The following SH3RF3 variants were observed in gnomAD, a reference collection of about 807,000 sequenced individuals.
SH3RF3 encodes E3 ubiquitin-protein ligase SH3RF3.
SH3RF3 carries 29 observed loss-of-function variants against 66.3 expected under a neutral mutation model. The observed-to-expected ratio is 0.44, with a 90% CI of 0.33 to 0.60. The LOEUF (loss-of-function observed/expected upper bound fraction) is 0.60, where lower values mean the gene tolerates loss of function less well. Ranked by LOEUF, SH3RF3 falls within the 20% of genes least tolerant of loss-of-function variation. SH3RF3 has a pLI of 0.04. For synonymous variants in SH3RF3, 583 were observed against 532.0 expected, an observed-to-expected ratio of 1.10 and a Z score of -1.32; for missense variants, 1,194 against 1,190.9, an observed-to-expected ratio of 1.00 and a Z score of -0.04.
chr2:109,220,561 ACTT>A (rs1310540548), intron 1 of SH3RF3, among the ~76,000 whole-genome samples: 4 of 152,210 alleles, frequency 2.6e-5, no homozygotes, highest in African/African-American at 9.6e-5. Context: ...TATATAAAGA[ACTT>A]CTATAACTCA....
At chr2:109,277,262 C>T (rs1574545732) in intron 1 of SH3RF3, among the ~76,000 whole-genome samples, 1 of 152,174 alleles carries the variant, frequency 6.6e-6, no homozygotes, top group East Asian at 1.9e-4. Context: ...CCTCACTGTA[C>T]AGGAACCTGG....
At chr2:109,144,771 A>C (rs1206300826) in intron 1 of SH3RF3, among the ~76,000 whole-genome samples, 3 of 152,234 alleles carry the variant, frequency 2.0e-5, no homozygotes, top group Non-Finnish European at 4.4e-5. Flanking sequence ...TGTCTGCATC[A>C]GTCAGGCACC....
chr2:109,371,008 T>A (rs1683260454), intron 2 of SH3RF3, among the ~76,000 whole-genome samples: 1 of 152,242 alleles, frequency 6.6e-6, no homozygotes, highest in South Asian at 2.1e-4. Flanking sequence ...AAATAAATAA[T>A]AGGAGTTGCA....
intron 1 of SH3RF3, among the ~76,000 whole-genome samples, chr2:109,209,004 C>T (rs1016125522): frequency 3.3e-5 from 5 of 152,228 alleles, no homozygotes; most frequent in Non-Finnish European, 5.9e-5. Flanking sequence ...GACATCAACA[C>T]GGACATATGG....
At chr2:109,213,066 G>T (rs1234209131) in intron 1 of SH3RF3, among the ~76,000 whole-genome samples, 2 of 152,210 alleles carry the variant, frequency 1.3e-5, no homozygotes, top group African/African-American at 4.8e-5. Context: ...TCCTGGGAAG[G>T]CTCGGAGGAA....
At chr2:109,250,460 C>G (rs932405764) in intron 1 of SH3RF3, among the ~76,000 whole-genome samples, 3 of 151,762 alleles carry the variant, frequency 2.0e-5, no homozygotes, top group African/African-American at 7.3e-5. Context: ...ACTCGGAAAA[C>G]TTACCAGGTT....
At chr2:109,233,430 C>T (rs1318159894) in intron 1 of SH3RF3, among the ~76,000 whole-genome samples, 3 of 152,200 alleles carry the variant, frequency 2.0e-5, no homozygotes, top group South Asian at 4.1e-4. Flanking sequence ...TCAGACACTT[C>T]GTGTCTTCCC....
At chr2:109,267,400 C>T (rs1029052603) in intron 1 of SH3RF3, among the ~76,000 whole-genome samples, 1 of 152,124 alleles carries the variant, frequency 6.6e-6, no homozygotes. Flanking sequence ...TGAGCTTGCC[C>T]GAAGAAAGAA....
chr2:109,440,334 G>A (rs574586698), intron 7 of SH3RF3, among the ~76,000 whole-genome samples: 4 of 152,342 alleles, frequency 2.6e-5, no homozygotes, highest in East Asian at 1.9e-4. Flanking sequence ...GCCCATGGAC[G>A]CTGGAATACG....
At chr2:109,374,038 T>A (rs1683331034) in intron 3 of SH3RF3, among the ~76,000 whole-genome samples, 1 of 152,180 alleles carries the variant, frequency 6.6e-6, no homozygotes, top group South Asian at 2.1e-4. Flanking sequence ...CATGACTGCC[T>A]GTGGGTCTGA....
At chr2:109,133,576 T>C (rs1463121242) in intron 1 of SH3RF3, among the ~76,000 whole-genome samples, 1 of 135,136 alleles carries the variant, frequency 7.4e-6, no homozygotes, top group African/African-American at 2.6e-5. Context: ...AAGACTAAGA[T>C]TTTCAAAGGA....
rs1017321842 is a variant in SH3RF3, at chr2:109,501,794, G to T, written c.*123G>T. 1 of 620,120 alleles carries T rather than the reference G, an allele frequency of 1.6e-6. No individual in the cohort carries two copies. Among genetic ancestry groups the T allele is most frequent in the Non-Finnish European group, 2.9e-6 (1 of 345,344 alleles). 38.4% of individuals were successfully genotyped at this position (620,120 alleles called of 1,614,324 possible). ...GTCATCTCCAAGGCACCTGGCGGGG[G>T]ATACCCTGGCCCAGGGTGGGGGCCA... is the stretch of plus-strand genomic sequence containing the variant. On this transcript the variant is annotated 3_prime_UTR_variant, in exon 10 of 10. Transcript: ENST00000309415.
intron 8 of SH3RF3, among the ~76,000 whole-genome samples, chr2:109,468,196 C>T (rs1430693169): frequency 1.3e-5 from 2 of 152,240 alleles, no homozygotes; most frequent in African/African-American, 4.8e-5. Flanking sequence ...CAGCCTGTGA[C>T]ACACCTAGGC....
At chr2:109,136,939 A>G (rs1676828723) in intron 1 of SH3RF3, among the ~76,000 whole-genome samples, 1 of 152,158 alleles carries the variant, frequency 6.6e-6, no homozygotes, top group Non-Finnish European at 1.5e-5. Context: ...ACCCTGGTTC[A>G]AGGAATGGGA....
At chr2:109,446,924 C>G (rs903756054) in intron 7 of SH3RF3, among the ~76,000 whole-genome samples, 1 of 151,958 alleles carries the variant, frequency 6.6e-6, no homozygotes, top group Non-Finnish European at 1.5e-5. Flanking sequence ...TGTCACCCCC[C>G]TTCCAGGGAC....
At chr2:109,466,068 A>C (rs1678335957) in intron 8 of SH3RF3, among the ~76,000 whole-genome samples, 1 of 140,248 alleles carries the variant, frequency 7.1e-6, no homozygotes. Context: ...TGCTACCTGT[A>C]CATCTTTTTT....
intron 9 of SH3RF3, among the ~76,000 whole-genome samples, chr2:109,500,784 A>C (rs920379505): frequency 6.6e-6 from 1 of 152,048 alleles, no homozygotes; most frequent in East Asian, 1.9e-4. Context: ...CCCCATCTCT[A>C]CAAAAAAAAA....
intron 1 of SH3RF3, among the ~76,000 whole-genome samples, chr2:109,302,763 C>A (rs1681501555): frequency 6.6e-6 from 1 of 152,140 alleles, no homozygotes; most frequent in Non-Finnish European, 1.5e-5. Flanking sequence ...CGACATTTCA[C>A]CTGCCTCTCG....
intron 1 of SH3RF3, among the ~76,000 whole-genome samples, chr2:109,265,759 T>A (rs1004767733): frequency 7.2e-5 from 11 of 152,076 alleles, no homozygotes; most frequent in African/African-American, 2.7e-4. Context: ...ATGTTTAATT[T>A]AAAAAAAGAG....
Sources: allele counts gnomAD v4.1 joint callset (sites outside exome capture counted in the v4.1 genomes callset), GRCh38; gene constraint gnomAD v4.1.1; transcripts MANE v1.5; gene names NCBI Gene and HGNC (gene_info 2026-07-23, HGNC 2026-07-21).